The following AVEN variants were observed in gnomAD, a reference collection of about 807,000 sequenced individuals.
The protein encoded by AVEN is cell death regulator Aven.
Under a neutral mutation model 38.1 loss-of-function variants are expected in AVEN, and 41 were observed. That is an observed-to-expected ratio of 1.08 (90% CI 0.84 to 1.40). AVEN has a LOEUF of 1.40. Among genes scored for constraint, AVEN ranks in the 40% most tolerant of loss-of-function variants. The pLI is 0.00. For synonymous variants in AVEN, 206 were observed against 171.8 expected, an observed-to-expected ratio of 1.20 and a Z score of -1.56; for missense variants, 605 against 438.8, an observed-to-expected ratio of 1.38 and a Z score of -3.38.
chr15:34,036,811 T>C (rs1899148130), intron 1 of AVEN, among the ~76,000 whole-genome samples: 2 of 152,096 alleles, frequency 1.3e-5, no homozygotes, highest in Admixed American at 1.3e-4. Context: ...CTTTTAATGA[T>C]ATACCATCAT....
At chr15:33,906,984 G>A (rs1434947488) in intron 2 of AVEN, among the ~76,000 whole-genome samples, 1 of 152,090 alleles carries the variant, frequency 6.6e-6, no homozygotes, top group African/African-American at 2.4e-5. Context: ...TTGGTTAACA[G>A]GCTTTCCAAT....
At chr15:33,894,814 A>ATT (rs1363044082) in intron 2 of AVEN, among the ~76,000 whole-genome samples, 29 of 19,212 alleles carry the variant, frequency 1.5e-3, no homozygotes, top group Admixed American at 4.5e-3. Context: ...CATCTCAAAA[A>ATT]AAAAAAAATA....
intron 2 of AVEN, among the ~76,000 whole-genome samples, chr15:33,976,132 G>A (rs571229586): frequency 4.6e-5 from 7 of 152,162 alleles, no homozygotes; most frequent in African/African-American, 1.7e-4. Flanking sequence ...ATTACAACCA[G>A]CAGGATATAT....
At chr15:33,982,853 G>C (rs528082769) in intron 2 of AVEN, among the ~76,000 whole-genome samples, 4 of 151,990 alleles carry the variant, frequency 2.6e-5, no homozygotes, top group South Asian at 2.1e-4. Context: ...AGCAACAAAG[G>C]CTACCTTAGA....
intron 2 of AVEN, among the ~76,000 whole-genome samples, chr15:33,976,599 A>G (rs192873540): frequency 2.1e-4 from 32 of 152,322 alleles, no homozygotes; most frequent in Admixed American, 1.7e-3. Flanking sequence ...TAAAATTTAT[A>G]TATCTTTATT....
intron 2 of AVEN, among the ~76,000 whole-genome samples, chr15:33,989,089 G>A (rs1002337387): frequency 3.3e-5 from 5 of 151,682 alleles, no homozygotes; most frequent in African/African-American, 1.2e-4. Context: ...CATCTTTCAA[G>A]TTCCCTGTAT....
intron 1 of AVEN, among the ~76,000 whole-genome samples, chr15:34,014,383 AACAAAAAC>A (rs757731811): frequency 0.24 from 7,259 of 30,330 alleles, 753 homozygotes; most frequent in South Asian, 0.56. Context: ...AAAAAAAAAA[AACAAAAAC>A]AAAAACCACG....
chr15:33,860,797 C>G (rs1887899184), intron 11 of AVEN: 2 of 731,108 alleles, frequency 2.7e-6, no homozygotes, highest in Non-Finnish European at 4.5e-6. Context: ...GCCCTGTTCT[C>G]TGCACCCTGC....
chr15:34,010,031 A>C (rs1897569144), intron 1 of AVEN, among the ~76,000 whole-genome samples: 1 of 152,160 alleles, frequency 6.6e-6, no homozygotes, highest in Non-Finnish European at 1.5e-5. Flanking sequence ...ACAGCTTCAC[A>C]ATATATGAAG....
At chr15:34,021,839 G>C (rs1898214991) in intron 1 of AVEN, among the ~76,000 whole-genome samples, 1 of 151,992 alleles carries the variant, frequency 6.6e-6, no homozygotes, top group Non-Finnish European at 1.5e-5. Flanking sequence ...TGGGTGGACA[G>C]CGCAAGACTC....
intron 11 of AVEN, chr15:33,860,671 C>G: frequency 6.4e-7 from 1 of 1,551,634 alleles, no homozygotes; most frequent in Admixed American, 1.8e-5. Context: ...TAATGTTACT[C>G]TAACTACTAA....
intron 2 of AVEN, among the ~76,000 whole-genome samples, chr15:33,931,928 G>C (rs960659014): frequency 1.4e-4 from 22 of 152,246 alleles, no homozygotes; most frequent in African/African-American, 5.1e-4. Flanking sequence ...AAAGAATAAA[G>C]CATCCAGAAT....
chr15:33,951,909 C>T (rs1894764619), intron 2 of AVEN, among the ~76,000 whole-genome samples: 1 of 152,182 alleles, frequency 6.6e-6, no homozygotes, highest in African/African-American at 2.4e-5. Flanking sequence ...AGAGAAATCA[C>T]TCTCAACTCC....
At chr15:34,056,837 C>A (rs756582637) in intron 5 of AVEN, among the ~76,000 whole-genome samples, 1 of 152,098 alleles carries the variant, frequency 6.6e-6, no homozygotes, top group African/African-American at 2.4e-5. Context: ...TCAAGGCCAG[C>A]CTGAGCAACA....
intron 4 of AVEN, 79 bp from the exon 5 acceptor site, chr15:33,867,934 C>T (rs751154742): frequency 2.8e-5 from 41 of 1,481,908 alleles, no homozygotes; most frequent in Admixed American, 2.3e-5. Flanking sequence ...GGAGGCTAAA[C>T]GAAGCCATCA....
chr15:33,938,510 G>C lies in AVEN; in HGVS notation c.446-62515C>G, dbSNP rs1001964545. ...AATTTAAAACCTATGTTCAACAACAGACACCACAGACAAAGTAAAAAACAG... is the reference window on the plus strand; with the variant it reads ...AATTTAAAACCTATGTTCAACAACACACACCACAGACAAAGTAAAAAACAG... On this transcript the variant is annotated intron_variant, in intron 2 of 5. Coordinates refer to ENST00000306730, the MANE Select transcript of AVEN (RefSeq NM_020371.3). Among the ~76,000 whole-genome samples the C allele has an allele frequency of 4.6e-5, 7 of 152,104 alleles. No individual in the cohort carries two copies. In the South Asian group the frequency reaches 1.5e-3, roughly 32 times the overall value.
intron 2 of AVEN, among the ~76,000 whole-genome samples, chr15:33,902,090 A>G (rs1419849129): frequency 6.6e-6 from 1 of 152,220 alleles, no homozygotes; most frequent in Non-Finnish European, 1.5e-5. Context: ...TGTGATCCAA[A>G]AAGTCATTGC....
At chr15:33,940,388 G>C (rs1008639571) in intron 2 of AVEN, among the ~76,000 whole-genome samples, 1 of 152,126 alleles carries the variant, frequency 6.6e-6, no homozygotes, top group African/African-American at 2.4e-5. Flanking sequence ...AAGTTGTGAA[G>C]TGCAAATACA....
chr15:33,904,716 T>TACACACACACACACAC (rs371204081), intron 2 of AVEN, among the ~76,000 whole-genome samples: 16 of 143,352 alleles, frequency 1.1e-4, no homozygotes, highest in African/African-American at 4.2e-4. Flanking sequence ...TATATATATA[T>TACACACACACACACAC]ACACACACAC....
Sources: gnomAD v4.1 joint callset for allele counts (sites outside exome capture counted in the v4.1 genomes callset) on GRCh38, gnomAD v4.1.1 for gene constraint, MANE v1.5 for transcripts, NCBI Gene and HGNC (gene_info 2026-07-23, HGNC 2026-07-21) for gene names.